Variants in RARB observed in about 807,000 individuals in gnomAD.
RARB encodes the protein retinoic acid receptor beta, also known as HBV-activated protein.
RARB carries 17 observed loss-of-function variants against 51.9 expected under a neutral mutation model. The observed-to-expected ratio is 0.33, with a 90% CI of 0.22 to 0.49. The LOEUF (loss-of-function observed/expected upper bound fraction) is 0.49. Among genes scored for constraint, RARB ranks in the 20% least tolerant of loss-of-function variants. RARB has a pLI of 0.99. For synonymous variants in RARB, 215 were observed against 195.4 expected (o/e 1.10, Z -0.84); for missense variants, 369 against 550.8 (o/e 0.67, Z 3.30).
rs146303518 is a variant in RARB, at chr3:25,284,257, A to T, written c.178+109682A>T. Among the ~76,000 whole-genome samples the T allele has an allele frequency of 2.0e-3, 305 of 152,262 alleles. 2 individuals carry two copies. The highest frequency in any genetic ancestry group is 7.1e-3 in the African/African-American group (296 of 41,568). The stretch of plus-strand genomic sequence containing the variant: ...CCTTCCCCACTCAGGCCTGTAGATG[A>T]CTAAACCTAATCAATACCTGACTAC... On this transcript the variant is annotated intron_variant, in intron 5 of 11. Coordinates refer to the RARB transcript ENST00000383772.
intron 1 of RARB, among the ~76,000 whole-genome samples, chr3:24,838,305 T>G (rs531561792): frequency 3.9e-5 from 6 of 152,304 alleles, no homozygotes; most frequent in African/African-American, 1.4e-4. Context: ...ATATCTCCTT[T>G]TTTAAGGTCA....
Position 25,428,419 on chromosome 3 carries a change from G to T in RARB, c.-313G>T. On this transcript the variant is annotated 5_prime_UTR_variant, in exon 1 of 8. Coordinates refer to ENST00000330688, the MANE Select transcript of RARB (RefSeq NM_000965.5). ...GTTTGTCTGGGCACCGTCGGGGTAGGATCCGGAACGCATTCGGAAGGCTTT... is the reference window on the plus strand; with the variant it reads ...GTTTGTCTGGGCACCGTCGGGGTAGTATCCGGAACGCATTCGGAAGGCTTT... 3.9e-6 allele frequency: 5 copies of T among 1,275,068 alleles called. No individual in the cohort carries two copies. The highest frequency in any genetic ancestry group is 4.9e-6 in the Non-Finnish European group (5 of 1,012,728). The allele number at this position is 1,275,068 out of a possible 1,614,324, so 79.0% of individuals were successfully genotyped here.
intron 5 of RARB, among the ~76,000 whole-genome samples, chr3:25,187,308 A>G (rs1272643625): frequency 6.6e-6 from 1 of 152,048 alleles, no homozygotes; most frequent in Non-Finnish European, 1.5e-5. Flanking sequence ...AATGCTATAT[A>G]TTATTTATTT....
At chr3:25,106,491 CA>C (rs1332629754) in intron 3 of RARB, among the ~76,000 whole-genome samples, 1 of 107,884 alleles carries the variant, frequency 9.3e-6, no homozygotes, top group Non-Finnish European at 1.7e-5. Context: ...TTTGTAGAGA[CA>C]GGGTTTTGCC....
chr3:25,399,060 C>T (rs139847675), intron 5 of RARB, among the ~76,000 whole-genome samples: 1 of 152,284 alleles, frequency 6.6e-6, no homozygotes, highest in African/African-American at 2.4e-5. Flanking sequence ...GCTCTTTTCA[C>T]TCTACCATCC....
chr3:25,488,030 T>C (rs1696554462), intron 2 of RARB, among the ~76,000 whole-genome samples: 1 of 152,224 alleles, frequency 6.6e-6, no homozygotes, highest in African/African-American at 2.4e-5. Context: ...TGGAGGGATT[T>C]ATTCAGCTGC....
intron 2 of RARB, among the ~76,000 whole-genome samples, chr3:25,490,763 TATAC>T (rs747219159): frequency 2.0e-5 from 3 of 152,218 alleles, no homozygotes; most frequent in Non-Finnish European, 2.9e-5. Context: ...CTTGCCGTGT[TATAC>T]TTAGAGTAAT....
chr3:24,931,925 CTA>C (rs1695448141), intron 2 of RARB, among the ~76,000 whole-genome samples: 1 of 152,046 alleles, frequency 6.6e-6, no homozygotes, highest in Non-Finnish European at 1.5e-5. Context: ...AGAGTGGTGA[CTA>C]TGCAGCCTGT....
intron 2 of RARB, among the ~76,000 whole-genome samples, chr3:24,875,641 C>A (rs1311451019): frequency 1.3e-5 from 2 of 152,078 alleles, no homozygotes; most frequent in Non-Finnish European, 2.9e-5. Flanking sequence ...AGGAAAGTTA[C>A]AAAGATATTT....
chr3:25,131,097 C>T (rs1374206551), intron 3 of RARB, among the ~76,000 whole-genome samples: 3 of 151,636 alleles, frequency 2.0e-5, no homozygotes, highest in Admixed American at 6.6e-5. Flanking sequence ...GAATCAACCT[C>T]TTTGTCTTCT....
At chr3:25,009,354 C>A (rs1283104031) in intron 2 of RARB, among the ~76,000 whole-genome samples, 2 of 152,054 alleles carry the variant, frequency 1.3e-5, no homozygotes, top group South Asian at 2.1e-4. Flanking sequence ...ATTTTTTTTA[C>A]ATTGAAAATA....
intron 3 of RARB, among the ~76,000 whole-genome samples, chr3:25,528,602 A>G (rs369704922): frequency 2.0e-5 from 3 of 151,964 alleles, no homozygotes; most frequent in East Asian, 3.9e-4. Context: ...AGTGGATAGG[A>G]TCCAATCAGG....
chr3:25,498,929 G>A (rs1480770997), intron 2 of RARB, among the ~76,000 whole-genome samples: 1 of 152,092 alleles, frequency 6.6e-6, no homozygotes, highest in East Asian at 1.9e-4. Context: ...GATTCTGGGA[G>A]GATTTCACAG....
intron 5 of RARB, among the ~76,000 whole-genome samples, chr3:25,368,549 T>C (rs1160333619): frequency 1.3e-5 from 2 of 152,186 alleles, no homozygotes; most frequent in African/African-American, 4.8e-5. Context: ...TATGCACCAA[T>C]GAAAGAGGTG....
At chr3:25,460,427 T>G (rs1057408173) in intron 1 of RARB, among the ~76,000 whole-genome samples, 1 of 128,634 alleles carries the variant, frequency 7.8e-6, no homozygotes, top group Non-Finnish European at 1.6e-5. Flanking sequence ...AATTTTAAAA[T>G]TTTTATTTAT....
chr3:25,138,345 T>C (rs1396359013), intron 4 of RARB, among the ~76,000 whole-genome samples: 1 of 151,958 alleles, frequency 6.6e-6, no homozygotes, highest in Non-Finnish European at 1.5e-5. Context: ...GTTTTTTTTT[T>C]TTTTTGGTAG....
In RARB at chr3:24,853,031, C is replaced by G. The variant is rs188066856; in HGVS notation, c.-458-5643C>G. The stretch of plus-strand genomic sequence containing the variant: ...ATAATGCTGCTTTTAAAATAACGAA[C>G]TGGCTGGGCACGGTGGCTCACGCCT... On this transcript the variant is annotated intron_variant, in intron 1 of 11. Transcript: ENST00000383772. 3.6e-4 allele frequency among the ~76,000 whole-genome samples: 54 copies of G among 152,104 alleles called. No homozygotes were observed. The East Asian group carries it at 0.01, about 29-fold the overall frequency.
chr3:25,509,467 C>T (rs932970068), intron 3 of RARB, among the ~76,000 whole-genome samples: 4 of 152,332 alleles, frequency 2.6e-5, no homozygotes, highest in Admixed American at 6.5e-5. Flanking sequence ...AGTAGAGACT[C>T]TATTCATTTT....
intron 3 of RARB, among the ~76,000 whole-genome samples, chr3:25,114,419 T>A (rs1433258937): frequency 6.8e-6 from 1 of 148,136 alleles, no homozygotes; most frequent in African/African-American, 2.4e-5. Context: ...TCTGAAAGTA[T>A]CCTTGAGTTA....
Sources: allele counts gnomAD v4.1 joint callset (sites outside exome capture counted in the v4.1 genomes callset), GRCh38; gene constraint gnomAD v4.1.1; transcripts MANE v1.5; gene names NCBI Gene and HGNC (gene_info 2026-07-23, HGNC 2026-07-21).